The following RPH3A variants were observed in gnomAD, a reference collection of about 807,000 sequenced individuals.
RPH3A encodes rabphilin 3A, also known as rabphilin-3A.
In RPH3A, 48 loss-of-function variants were observed where a neutral mutation model predicts 102.2. The ratio of observed to expected loss-of-function variants is 0.47; its 90% CI spans 0.37 to 0.60. The LOEUF is 0.60. RPH3A is among the 20% of genes least tolerant of loss of function. The probability of loss-of-function intolerance (pLI) is 0.00; values close to 1 mark genes in which losing one functional copy is unlikely to be tolerated. For synonymous variants in RPH3A, 310 were observed against 324.3 expected (o/e 0.96, Z 0.47); for missense variants, 781 against 910.1 (o/e 0.86, Z 1.83).
At chr12:112,637,924 G>A (rs1006903682) in intron 1 of RPH3A, among the ~76,000 whole-genome samples, 30 of 151,280 alleles carry the variant, frequency 2.0e-4, no homozygotes, top group African/African-American at 6.1e-4. Context: ...AATATTTCCT[G>A]GGCAGATCTA....
intron 1 of RPH3A, among the ~76,000 whole-genome samples, chr12:112,589,031 C>G (rs755831866): frequency 6.6e-6 from 1 of 151,758 alleles, no homozygotes; most frequent in Non-Finnish European, 1.5e-5. Context: ...GGAGAGTGTT[C>G]CAGGCAGAGG....
At chr12:112,842,752 G>C (rs114401782) in intron 4 of RPH3A, among the ~76,000 whole-genome samples, 2 of 152,192 alleles carry the variant, frequency 1.3e-5, no homozygotes, top group Non-Finnish European at 1.5e-5. Context: ...TAAAAAGTTA[G>C]GGCATCCTGG....
intron 1 of RPH3A, among the ~76,000 whole-genome samples, chr12:112,630,927 G>A (rs1372430789): frequency 1.3e-5 from 2 of 152,148 alleles, no homozygotes; most frequent in Non-Finnish European, 2.9e-5. Flanking sequence ...GGGAGATGAT[G>A]GCTAACCCTG....
chr12:112,576,342 T>C (rs111581460), intron 1 of RPH3A, among the ~76,000 whole-genome samples: 299 of 152,320 alleles, frequency 2.0e-3, no homozygotes, highest in Non-Finnish European at 3.6e-3. Context: ...CTCAGCCTCC[T>C]GAGTAGCTGG....
At chr12:112,800,667 C>T (rs1357825248) in intron 2 of RPH3A, among the ~76,000 whole-genome samples, 2 of 151,956 alleles carry the variant, frequency 1.3e-5, no homozygotes, top group Non-Finnish European at 2.9e-5. Flanking sequence ...AAGGTGGTGA[C>T]ATTTGGGGTG....
At chr12:112,730,986 G>C (rs1300915378) in intron 1 of RPH3A, among the ~76,000 whole-genome samples, 2 of 152,308 alleles carry the variant, frequency 1.3e-5, no homozygotes, top group East Asian at 3.9e-4. Flanking sequence ...AACAGAAAGG[G>C]GGACATTGCA....
chr12:112,873,378 G>C (rs931589464), intron 10 of RPH3A, among the ~76,000 whole-genome samples: 3 of 152,240 alleles, frequency 2.0e-5, no homozygotes, highest in Non-Finnish European at 4.4e-5. Context: ...AATGCTCCTA[G>C]CTGGTCTGTT....
intron 1 of RPH3A, among the ~76,000 whole-genome samples, chr12:112,665,571 G>C (rs2040078475): frequency 6.6e-6 from 1 of 152,158 alleles, no homozygotes; most frequent in South Asian, 2.1e-4. Context: ...GTAAACCTAG[G>C]TAAAGGGCTG....
intron 1 of RPH3A, among the ~76,000 whole-genome samples, chr12:112,612,146 G>A (rs2039643555): frequency 6.6e-6 from 1 of 152,190 alleles, no homozygotes; most frequent in African/African-American, 2.4e-5. Context: ...GAATAACTCA[G>A]CCCCGCCTGT....
At chr12:112,827,799 A>T (rs1419148046) in intron 2 of RPH3A, among the ~76,000 whole-genome samples, 1 of 152,078 alleles carries the variant, frequency 6.6e-6, no homozygotes, top group East Asian at 1.9e-4. Context: ...CCTAATGTAG[A>T]TGATGGGTTG....
At chr12:112,833,240 A>G (rs1251574945) in intron 3 of RPH3A, among the ~76,000 whole-genome samples, 2 of 152,184 alleles carry the variant, frequency 1.3e-5, no homozygotes, top group African/African-American at 4.8e-5. Flanking sequence ...TGGAAATACT[A>G]TATAAAGGTA....
At chr12:112,740,274 T>C (rs1398269893) in intron 1 of RPH3A, among the ~76,000 whole-genome samples, 1 of 152,220 alleles carries the variant, frequency 6.6e-6, no homozygotes, top group Non-Finnish European at 1.5e-5. Context: ...TAAAAAGTTT[T>C]CCCAGCTTGG....
chr12:112,695,184 G>A (rs1476599042), intron 1 of RPH3A: 3 of 169,526 alleles, frequency 1.8e-5, no homozygotes, highest in South Asian at 2.0e-4. Context: ...CTGTGTTTTT[G>A]TTTGCTAAAT....
chr12:112,712,655 TTGTG>T (rs544401987), intron 1 of RPH3A, among the ~76,000 whole-genome samples: 2 of 150,228 alleles, frequency 1.3e-5, no homozygotes, highest in Non-Finnish European at 3.0e-5. Flanking sequence ...TGTCCCCTAC[TTGTG>T]TGTGTGTGTG....
intron 1 of RPH3A, among the ~76,000 whole-genome samples, chr12:112,642,985 A>G (rs1228671713): frequency 6.6e-6 from 1 of 152,174 alleles, no homozygotes; most frequent in Non-Finnish European, 1.5e-5. Context: ...ATGTACTACA[A>G]TGCACGGGAC....
intron 1 of RPH3A, among the ~76,000 whole-genome samples, chr12:112,727,731 A>C (rs2040604709): frequency 6.6e-6 from 1 of 152,086 alleles, no homozygotes. Context: ...AAAGAAAAGA[A>C]TCTTGATTAT....
chr12:112,883,415 C>T lies in RPH3A; in HGVS notation c.1436+13C>T, dbSNP rs751828734. ...GGAAGACCCTCAGGTACCTGGCAGG[C>T]AGAGGGCAGAGAGGGAGGCAAAGGG... On this transcript the variant is annotated intron_variant, in intron 16 of 21. Coordinates refer to ENST00000389385, the MANE Select transcript of RPH3A (RefSeq NM_001143854.2). 1 of 1,599,474 alleles carries T rather than the reference C, an allele frequency of 6.3e-7. No individual in the cohort carries two copies. Among genetic ancestry groups the T allele is most frequent in the East Asian group, 2.2e-5 (1 of 44,736 alleles).
intron 1 of RPH3A, among the ~76,000 whole-genome samples, chr12:112,781,707 T>C (rs2041009184): frequency 6.6e-6 from 1 of 152,222 alleles, no homozygotes; most frequent in Non-Finnish European, 1.5e-5. Context: ...ACTCAATCAT[T>C]CGTTCATTCA....
chr12:112,649,564 A>T (rs2039958781), intron 1 of RPH3A: 1 of 152,230 alleles, frequency 6.6e-6, no homozygotes, highest in Non-Finnish European at 1.5e-5. Flanking sequence ...GCCCAGTCCT[A>T]AGCAATATCT....
Sources: allele counts gnomAD v4.1 joint callset (sites outside exome capture counted in the v4.1 genomes callset), GRCh38; gene constraint gnomAD v4.1.1; transcripts MANE v1.5; gene names NCBI Gene and HGNC (gene_info 2026-07-23, HGNC 2026-07-21).